The following PDE4D variants were observed in gnomAD, a reference collection of about 807,000 sequenced individuals.
PDE4D encodes phosphodiesterase 4D.
PDE4D carries 24 observed loss-of-function variants against 87.4 expected under a neutral mutation model. That is an observed-to-expected ratio of 0.27 (90% CI 0.20 to 0.39). The LOEUF is 0.39. Ranked by LOEUF, PDE4D falls within the 10% of genes least tolerant of loss-of-function variation. The pLI is 1.00. For synonymous variants in PDE4D, 384 were observed against 383.2 expected (o/e 1.00, Z -0.02); for missense variants, 714 against 1,041.0 (o/e 0.69, Z 4.32).
intron 1 of PDE4D, among the ~76,000 whole-genome samples, chr5:59,410,100 C>T (rs185694727): frequency 3.3e-5 from 5 of 152,170 alleles, no homozygotes; most frequent in Admixed American, 2.6e-4. Flanking sequence ...CTTTTAGTTG[C>T]TTTTAAATAT....
At chr5:59,380,195 C>T (rs1823067) in intron 1 of PDE4D, among the ~76,000 whole-genome samples, 23,428 of 151,606 alleles carry the variant, frequency 0.15, 1,912 homozygotes, top group East Asian at 0.22. Flanking sequence ...GCATAAATAA[C>T]ATGCATTATT....
intron 2 of PDE4D, among the ~76,000 whole-genome samples, chr5:60,108,751 C>G (rs956479990): frequency 6.6e-6 from 1 of 152,112 alleles, no homozygotes; most frequent in African/African-American, 2.4e-5. Flanking sequence ...GAAAAACAAG[C>G]AATGGGGAAA....
At chr5:60,428,147 T>A (rs1330205880) in intron 1 of PDE4D, among the ~76,000 whole-genome samples, 4 of 152,180 alleles carry the variant, frequency 2.6e-5, no homozygotes, top group African/African-American at 9.7e-5. Flanking sequence ...ACTACATTTG[T>A]CAAATGTTAA....
Position 58,998,651 on chromosome 5 carries a change from C to G in PDE4D, c.922-5186G>C, listed in dbSNP as rs531109112. On this transcript the variant is annotated intron_variant, in intron 6 of 14. Transcript: ENST00000340635. ...AACTTGTCCTTCAAAAAGAAAGAAACAAAGCAAACGACAAACACTCCAATC... is the reference window on the plus strand; with the variant it reads ...AACTTGTCCTTCAAAAAGAAAGAAAGAAAGCAAACGACAAACACTCCAATC... Among the ~76,000 whole-genome samples the G allele has an allele frequency of 2.6e-5, 4 of 152,120 alleles. No homozygotes were observed. In the East Asian group the frequency reaches 5.8e-4, roughly 22 times the overall value.
intron 1 of PDE4D, among the ~76,000 whole-genome samples, chr5:60,465,115 T>A (rs1368806866): frequency 6.6e-6 from 1 of 151,690 alleles, no homozygotes; most frequent in Non-Finnish European, 1.5e-5. Context: ...TTTAAAAAAA[T>A]AAATAAATAA....
intron 2 of PDE4D, among the ~76,000 whole-genome samples, chr5:60,083,029 T>C (rs1774134058): frequency 6.6e-6 from 1 of 152,222 alleles, no homozygotes; most frequent in South Asian, 2.1e-4. Context: ...CTCTCGTCTA[T>C]TTATTTTGCA....
At chr5:59,440,921 T>C (rs1172015843) in intron 1 of PDE4D, among the ~76,000 whole-genome samples, 4 of 152,226 alleles carry the variant, frequency 2.6e-5, no homozygotes, top group African/African-American at 4.8e-5. Context: ...TGCTTCATGG[T>C]ATGCTTATCT....
intron 1 of PDE4D, among the ~76,000 whole-genome samples, chr5:59,702,705 CA>C: frequency 6.6e-6 from 1 of 151,278 alleles, no homozygotes; most frequent in African/African-American, 2.4e-5. Context: ...CTCATCTCTA[CA>C]AAAAATACAA....
rs999139107 is a variant in PDE4D at position 60,105,266 on chromosome 5, T to C, written c.42+80291A>G. Among the ~76,000 whole-genome samples, 8 of 151,978 alleles carry C rather than the reference T, an allele frequency of 5.3e-5. No homozygotes were observed. The East Asian group carries it at 7.7e-4, about 15-fold the overall frequency. On this transcript the variant is annotated intron_variant, in intron 2 of 16. Coordinates refer to the PDE4D transcript ENST00000502484. Reference sequence around the variant, plus strand: ...CAACTGGAAGAAAGGGTATCAGTGATGGAAGATGAAATGAATGAAATGAAG... The same window carrying C: ...CAACTGGAAGAAAGGGTATCAGTGACGGAAGATGAAATGAATGAAATGAAG...
At chr5:60,275,192 AT>A (rs1344186276) in intron 1 of PDE4D, among the ~76,000 whole-genome samples, 1 of 152,162 alleles carries the variant, frequency 6.6e-6, no homozygotes. Flanking sequence ...GCATCAGTAT[AT>A]TTTTAAGCTC....
intron 2 of PDE4D, among the ~76,000 whole-genome samples, chr5:60,150,693 T>C (rs1379422973): frequency 6.6e-6 from 1 of 152,074 alleles, no homozygotes; most frequent in Non-Finnish European, 1.5e-5. Context: ...TTGCAGAAAA[T>C]AGATATGACA....
chr5:59,617,455 C>G (rs1829838049), intron 1 of PDE4D, among the ~76,000 whole-genome samples: 1 of 152,126 alleles, frequency 6.6e-6, no homozygotes, highest in South Asian at 2.1e-4. Context: ...TGTTGAAGTC[C>G]TAACTCCTCG....
chr5:59,759,954 C>T (rs1337325207), intron 1 of PDE4D, among the ~76,000 whole-genome samples: 1 of 152,092 alleles, frequency 6.6e-6, no homozygotes, highest in Non-Finnish European at 1.5e-5. Context: ...AGAGATGGAA[C>T]GAGGGAGAAA....
intron 1 of PDE4D, among the ~76,000 whole-genome samples, chr5:59,301,633 T>C (rs183286305): frequency 2.0e-5 from 3 of 152,062 alleles, no homozygotes; most frequent in East Asian, 1.9e-4. Context: ...TCCATTTTGC[T>C]GAGTAGAAAT....
intron 1 of PDE4D, among the ~76,000 whole-genome samples, chr5:60,195,069 T>C (rs944765220): frequency 1.3e-5 from 2 of 151,638 alleles, no homozygotes; most frequent in Non-Finnish European, 2.9e-5. Context: ...TTGGACTTTT[T>C]CCCCTCTTCC....
At chr5:59,543,847 C>T (rs186614100) in intron 1 of PDE4D, among the ~76,000 whole-genome samples, 5 of 152,268 alleles carry the variant, frequency 3.3e-5, no homozygotes, top group African/African-American at 1.2e-4. Context: ...AGAAAAAATG[C>T]ACTTGAAAGC....
chr5:59,367,831 T>G (rs775378276), intron 1 of PDE4D, among the ~76,000 whole-genome samples: 2 of 152,138 alleles, frequency 1.3e-5, no homozygotes, highest in Non-Finnish European at 2.9e-5. Flanking sequence ...GAGCTCTTAG[T>G]AGATGTAAAG....
intron 1 of PDE4D, among the ~76,000 whole-genome samples, chr5:59,656,620 T>C (rs1744403033): frequency 6.6e-6 from 1 of 152,194 alleles, no homozygotes; most frequent in Non-Finnish European, 1.5e-5. Flanking sequence ...TGGGCATTCC[T>C]AACCCCTTAG....
chr5:59,924,826 C>T (rs948077040), intron 3 of PDE4D, among the ~76,000 whole-genome samples: 8 of 152,012 alleles, frequency 5.3e-5, no homozygotes, highest in East Asian at 1.9e-4. Flanking sequence ...ATTATAATTG[C>T]GATGTTTAAA....
Sources: gnomAD v4.1 joint callset for allele counts (sites outside exome capture counted in the v4.1 genomes callset) on GRCh38, gnomAD v4.1.1 for gene constraint, MANE v1.5 for transcripts, NCBI Gene and HGNC (gene_info 2026-07-23, HGNC 2026-07-21) for gene names.